Variants in MGAT4A observed in about 807,000 individuals in gnomAD.
MGAT4A encodes alpha-1,3-mannosyl-glycoprotein 4-beta-N-acetylglucosaminyltransferase A.
Under a neutral mutation model 74.1 loss-of-function variants are expected in MGAT4A, and 33 were observed. That is an observed-to-expected ratio of 0.45 (90% confidence interval 0.34 to 0.60). The LOEUF is 0.60. MGAT4A is among the 20% of genes least tolerant of loss of function. MGAT4A has a pLI of 0.02. For synonymous variants in MGAT4A, 198 were observed against 210.4 expected (o/e 0.94, Z 0.51); for missense variants, 479 against 628.3 (o/e 0.76, Z 2.54).
At chr2:98,641,651 A>G (rs1466226474) in intron 10 of MGAT4A, among the ~76,000 whole-genome samples, 1 of 149,892 alleles carries the variant, frequency 6.7e-6, no homozygotes, top group Non-Finnish European at 1.5e-5. Context: ...ACTCCAGCCT[A>G]GGCCACGGAG....
At chr2:98,682,179 T>C (rs185219774) in intron 2 of MGAT4A, among the ~76,000 whole-genome samples, 169 of 152,242 alleles carry the variant, frequency 1.1e-3, no homozygotes, top group African/African-American at 3.8e-3. Flanking sequence ...TCCCAGCACT[T>C]TGGGAGGCCG....
intron 2 of MGAT4A, among the ~76,000 whole-genome samples, chr2:98,697,591 G>A (rs1447163246): frequency 6.6e-6 from 1 of 152,192 alleles, no homozygotes; most frequent in African/African-American, 2.4e-5. Context: ...AGAAGTAACT[G>A]TCAGGGAAAG....
At chr2:98,674,359 G>A (rs531149534) in intron 4 of MGAT4A, among the ~76,000 whole-genome samples, 119 of 152,254 alleles carry the variant, frequency 7.8e-4, no homozygotes, top group Non-Finnish European at 1.4e-3. Flanking sequence ...TCAAAACAGC[G>A]GAATCAAATG....
At position 98,695,733 on chromosome 2, in the gene MGAT4A, A is replaced by G. The variant is rs529216770; in HGVS notation, c.95-17262T>C. On this transcript the variant is annotated intron_variant, in intron 2 of 15. Coordinates refer to ENST00000393487, the MANE Select transcript of MGAT4A (RefSeq NM_012214.3). ...TTAACAGTTTCATTCCATATAAACA[A>G]AAGTAACTTGAAAAAACTTATGTAG... 1.1e-4 allele frequency among the ~76,000 whole-genome samples: 17 copies of G among 152,340 alleles called. 1 individual carries two copies. Among genetic ancestry groups the G allele is most frequent in the Non-Finnish European group, 2.2e-4 (15 of 68,026 alleles).
intron 8 of MGAT4A, among the ~76,000 whole-genome samples, chr2:98,647,746 A>AT (rs1221726688): frequency 3.9e-5 from 6 of 152,248 alleles, no homozygotes; most frequent in African/African-American, 1.4e-4. Flanking sequence ...AAAGCACTTT[A>AT]TGAAACCGTA....
At position 98,680,673 on chromosome 2, in the gene MGAT4A, T is replaced by C. The variant is rs947111701; in HGVS notation, c.95-2202A>G. 2.0e-5 allele frequency among the ~76,000 whole-genome samples: 3 copies of C among 152,320 alleles called. No individual in the cohort carries two copies. In the South Asian group the frequency reaches 6.2e-4, roughly 32 times the overall value. Reference sequence around the variant, plus strand: ...AAAGGGCATACCGGCAGCTCCAGGGTGCCGGCTAGGTTCTATTTCTCGATC... The same window carrying C: ...AAAGGGCATACCGGCAGCTCCAGGGCGCCGGCTAGGTTCTATTTCTCGATC... On this transcript the variant is annotated intron_variant, in intron 2 of 15. Coordinates refer to ENST00000393487, the MANE Select transcript of MGAT4A (RefSeq NM_012214.3).
intron 4 of MGAT4A, chr2:98,663,492 A>G (rs1318502484): frequency 7.3e-7 from 1 of 1,371,568 alleles, no homozygotes; most frequent in Non-Finnish European, 9.5e-7. Context: ...AAAACACTAA[A>G]CATATCTTAA....
At chr2:98,636,074 C>A (rs1194739530) in intron 13 of MGAT4A, among the ~76,000 whole-genome samples, 1 of 151,770 alleles carries the variant, frequency 6.6e-6, no homozygotes, top group Non-Finnish European at 1.5e-5. Context: ...TTATTTGCAA[C>A]CTCCACCTCC....
chr2:98,720,613 CAT>C (rs1182261304), intron 2 of MGAT4A, among the ~76,000 whole-genome samples: 3 of 129,166 alleles, frequency 2.3e-5, no homozygotes, highest in Non-Finnish European at 5.0e-5. Context: ...TGTGCGTGCA[CAT>C]GTGTTTGAGT....
At chr2:98,722,699 AATT>A (rs1702694156) in intron 2 of MGAT4A, among the ~76,000 whole-genome samples, 1 of 151,706 alleles carries the variant, frequency 6.6e-6, no homozygotes, top group Non-Finnish European at 1.5e-5. Flanking sequence ...ATAGTATGTA[AATT>A]ATATCTCAAG....
intron 5 of MGAT4A, 114 bp from the exon 6 acceptor site, chr2:98,658,378 A>C (rs377137641): frequency 4.9e-6 from 3 of 614,834 alleles, no homozygotes; most frequent in Admixed American, 6.7e-5. Context: ...CCATACATTA[A>C]ATTTTTAGAC....
chr2:98,683,055 T>C (rs1702083916), intron 2 of MGAT4A, among the ~76,000 whole-genome samples: 1 of 150,272 alleles, frequency 6.7e-6, no homozygotes, highest in Non-Finnish European at 1.5e-5. Context: ...GCCACTGCAC[T>C]CCAGCCTAGG....
In MGAT4A at chr2:98,656,405, A is replaced by G. The variant is rs753489356; in HGVS notation, c.645T>C (p.Tyr215=). 3 of 1,612,880 alleles carry G rather than the reference A, an allele frequency of 1.9e-6. No homozygotes were observed. The highest frequency in any genetic ancestry group is 2.5e-6 in the Non-Finnish European group (3 of 1,179,304). The stretch of plus-strand genomic sequence containing the variant: ...TCTCCTTTAGGTTTGTCAAGTCAGG[A>G]TAATAGCTTTCAGGGGGTGATATGA... ...VEVISPPESY[Y]PDLTNLKETF... is the part of the protein sequence containing the mutation. The change falls in exon 7 of 16, where the codon TAT becomes TAC. Residue 215 remains tyrosine, a synonymous_variant. Coordinates refer to ENST00000393487, the MANE Select transcript of MGAT4A (RefSeq NM_012214.3).
At chr2:98,655,596 T>C (rs1258208474) in intron 7 of MGAT4A, 76 bp from the exon 8 acceptor site, 1 of 900,192 alleles carries the variant, frequency 1.1e-6, no homozygotes, top group East Asian at 2.6e-5. Context: ...TGTATAAATG[T>C]CAAATGTCTA....
At chr2:98,676,334 CAAGAT>C (rs1326671287) in intron 3 of MGAT4A, among the ~76,000 whole-genome samples, 1 of 152,082 alleles carries the variant, frequency 6.6e-6, no homozygotes, top group East Asian at 1.9e-4. Context: ...TTGGTGATAA[CAAGAT>C]AAATGTTCCA....
intron 2 of MGAT4A, among the ~76,000 whole-genome samples, chr2:98,680,268 T>C (rs534911250): frequency 3.9e-4 from 60 of 152,290 alleles, no homozygotes; most frequent in African/African-American, 1.3e-3. Flanking sequence ...GGTCTCGAAC[T>C]CCTGACCTCA....
At position 98,676,454 on chromosome 2, in the gene MGAT4A, T is replaced by C. The variant is rs548041664; in HGVS notation, c.263-1279A>G. 1.6e-4 allele frequency among the ~76,000 whole-genome samples: 24 copies of C among 152,332 alleles called. 1 individual carries two copies. In the South Asian group the frequency reaches 5.0e-3, roughly 32 times the overall value. Reference sequence around the variant, plus strand: ...TATGCATTCAACAAATATTTAGTGATTATCTATTTTATTCCAGCAAATGTA... The same window carrying C: ...TATGCATTCAACAAATATTTAGTGACTATCTATTTTATTCCAGCAAATGTA... On this transcript the variant is annotated intron_variant, in intron 3 of 15. Coordinates refer to ENST00000393487, the MANE Select transcript of MGAT4A (RefSeq NM_012214.3).
At chr2:98,639,113 T>C (rs562981777) in intron 12 of MGAT4A, among the ~76,000 whole-genome samples, 80 of 152,082 alleles carry the variant, frequency 5.3e-4, no homozygotes, top group Non-Finnish European at 6.9e-4. Flanking sequence ...GGTGAAACCC[T>C]GTCTCTACTA....
intron 2 of MGAT4A, among the ~76,000 whole-genome samples, chr2:98,701,914 G>A (rs1702360629): frequency 6.6e-6 from 1 of 152,152 alleles, no homozygotes; most frequent in South Asian, 2.1e-4. Context: ...GCCTAACCCT[G>A]GCTGCCAATC....
Sources: gnomAD v4.1 joint callset for allele counts (sites outside exome capture counted in the v4.1 genomes callset) on GRCh38, gnomAD v4.1.1 for gene constraint, MANE v1.5 for transcripts, NCBI Gene and HGNC (gene_info 2026-07-23, HGNC 2026-07-21) for gene names.